Variants in REDIC1 observed in about 807,000 individuals in gnomAD.
The protein encoded by REDIC1 is regulator of DNA class I crossover intermediates 1.
the REDIC1 span, among the ~76,000 whole-genome samples, chr12:39,889,661 T>C: frequency 6.6e-6 from 1 of 151,114 alleles, no homozygotes; most frequent in Non-Finnish European, 1.5e-5. Flanking sequence ...GTCTCCTGAG[T>C]AGCTGGGACT....
chr12:39,898,357 A>C, the REDIC1 span, among the ~76,000 whole-genome samples: 7 of 152,180 alleles, frequency 4.6e-5, no homozygotes, highest in Non-Finnish European at 7.4e-5. Flanking sequence ...TGAATATGAT[A>C]CAATGGGAAT....
chr12:39,665,165 G>A, the REDIC1 span, among the ~76,000 whole-genome samples: 1 of 151,874 alleles, frequency 6.6e-6, no homozygotes, highest in Non-Finnish European at 1.5e-5. Flanking sequence ...TGTCCTGAAT[G>A]GTATTGCCTA....
the REDIC1 span, among the ~76,000 whole-genome samples, chr12:39,769,565 C>T: frequency 6.6e-6 from 1 of 151,902 alleles, no homozygotes; most frequent in Non-Finnish European, 1.5e-5. Flanking sequence ...TTCCTTCCTC[C>T]CTCCGGTGGT....
At chr12:39,713,756 T>C in the REDIC1 span, among the ~76,000 whole-genome samples, 5 of 149,458 alleles carry the variant, frequency 3.3e-5, no homozygotes, top group South Asian at 4.2e-4. Flanking sequence ...TATACATGTA[T>C]ACACGTATAT....
chr12:39,711,113 A>T, the REDIC1 span, among the ~76,000 whole-genome samples: 1 of 151,322 alleles, frequency 6.6e-6, no homozygotes, highest in Non-Finnish European at 1.5e-5. Context: ...TTCATATCTT[A>T]GTTACCTCAT....
chr12:39,728,587 G>T, the REDIC1 span, among the ~76,000 whole-genome samples: 2 of 152,178 alleles, frequency 1.3e-5, no homozygotes, highest in Non-Finnish European at 2.9e-5. Flanking sequence ...TGTTCATCAG[G>T]CATATTGGCC....
At chr12:39,679,720 C>A in the REDIC1 span, among the ~76,000 whole-genome samples, 35 of 152,154 alleles carry the variant, frequency 2.3e-4, 1 homozygote, top group Admixed American at 6.5e-5. Flanking sequence ...CTGGAGGCAT[C>A]ACATTACCTG....
chr12:39,741,136 T>C, the REDIC1 span, among the ~76,000 whole-genome samples: 1 of 152,156 alleles, frequency 6.6e-6, no homozygotes, highest in Non-Finnish European at 1.5e-5. Context: ...CTTAAACATG[T>C]CCTTAATTTA....
the REDIC1 span, among the ~76,000 whole-genome samples, chr12:39,893,375 C>T: frequency 6.6e-6 from 1 of 152,238 alleles, no homozygotes; most frequent in Non-Finnish European, 1.5e-5. Context: ...TCTCAGCTGG[C>T]TGCAACCTCC....
chr12:39,797,737 C>CACACAT, the REDIC1 span, among the ~76,000 whole-genome samples: 87 of 20,688 alleles, frequency 4.2e-3, 1 homozygote, highest in Non-Finnish European at 7.1e-3. Flanking sequence ...AACACACACA[C>CACACAT]ACACACACAC....
the REDIC1 span, chr12:39,646,378 G>T: frequency 7.0e-7 from 1 of 1,436,144 alleles, no homozygotes. Flanking sequence ...ACATAAAAAT[G>T]CCCCTAAGAA....
the REDIC1 span, among the ~76,000 whole-genome samples, chr12:39,830,661 TG>T: frequency 3.3e-5 from 5 of 151,986 alleles, no homozygotes; most frequent in African/African-American, 1.2e-4. Context: ...TTTTAAAAAA[TG>T]AAAATAGTTT....
chr12:39,890,160 A>G, the REDIC1 span, among the ~76,000 whole-genome samples: 1 of 152,300 alleles, frequency 6.6e-6, no homozygotes, highest in African/African-American at 2.4e-5. Flanking sequence ...AATATAAAAT[A>G]TTGAGTTATA....
chr12:39,697,480 G>A, the REDIC1 span, among the ~76,000 whole-genome samples: 6 of 152,328 alleles, frequency 3.9e-5, no homozygotes, highest in South Asian at 4.1e-4. Context: ...CACTGTAAAT[G>A]TGTGTAAACT....
chr12:39,880,071 C>T, the REDIC1 span, among the ~76,000 whole-genome samples: 2 of 152,292 alleles, frequency 1.3e-5, no homozygotes, highest in South Asian at 4.1e-4. Context: ...CTTGCTCTTG[C>T]TTTTGCCATG....
chr12:39,689,114 A>G, the REDIC1 span, among the ~76,000 whole-genome samples: 5 of 152,168 alleles, frequency 3.3e-5, no homozygotes, highest in Non-Finnish European at 5.9e-5. Context: ...CGGAGAAGTG[A>G]TGTGCATCAT....
the REDIC1 span, among the ~76,000 whole-genome samples, chr12:39,672,875 C>T: frequency 6.6e-6 from 1 of 152,090 alleles, no homozygotes; most frequent in African/African-American, 2.4e-5. Flanking sequence ...TCAAATGATG[C>T]CCTGAAGGAG....
chr12:39,733,069 G>GCACACACACACACACACA, the REDIC1 span, among the ~76,000 whole-genome samples: 3 of 148,452 alleles, frequency 2.0e-5, no homozygotes, highest in South Asian at 6.4e-4. Flanking sequence ...GCAGAAAAAT[G>GCACACACACACACACACA]CACACACACA....
At chr12:39,790,510 G>A in the REDIC1 span, among the ~76,000 whole-genome samples, 2 of 150,050 alleles carry the variant, frequency 1.3e-5, no homozygotes, top group Non-Finnish European at 3.0e-5. Flanking sequence ...GAGAATGATG[G>A]TTTCCAATTT....
Sources: allele counts gnomAD v4.1 joint callset (sites outside exome capture counted in the v4.1 genomes callset), GRCh38; gene constraint gnomAD v4.1.1; transcripts MANE v1.5; gene names NCBI Gene and HGNC (gene_info 2026-07-23, HGNC 2026-07-21).